Variants in MYO1D observed in about 807,000 individuals in gnomAD.
MYO1D encodes unconventional myosin-Id.
MYO1D carries 83 observed loss-of-function variants against 122.0 expected under a neutral mutation model. That is an observed-to-expected ratio of 0.68 (90% CI 0.57 to 0.82). MYO1D has a LOEUF of 0.82. MYO1D is among the 40% of genes least tolerant of loss of function. The pLI is 0.00. For synonymous variants in MYO1D, 464 were observed against 446.9 expected (o/e 1.04, Z -0.48); for missense variants, 1,157 against 1,269.5 (o/e 0.91, Z 1.35).
intron 12 of MYO1D, among the ~76,000 whole-genome samples, chr17:32,748,634 A>T (rs1598062482): frequency 6.6e-6 from 1 of 152,092 alleles, no homozygotes; most frequent in East Asian, 1.9e-4. Context: ...CCATCTTTCT[A>T]TCCCAGTTCT....
At chr17:32,500,070 C>T (rs942181249) in intron 21 of MYO1D, among the ~76,000 whole-genome samples, 3 of 152,188 alleles carry the variant, frequency 2.0e-5, no homozygotes, top group Non-Finnish European at 4.4e-5. Context: ...AAGGTCCTGG[C>T]GGGGAGGGGA....
intron 1 of MYO1D, among the ~76,000 whole-genome samples, chr17:32,801,085 A>T (rs1162326340): frequency 6.6e-6 from 1 of 152,216 alleles, no homozygotes; most frequent in Non-Finnish European, 1.5e-5. Flanking sequence ...TGCTCATTTA[A>T]GCAGTAAGCA....
intron 16 of MYO1D, among the ~76,000 whole-genome samples, chr17:32,679,021 A>AT: frequency 6.7e-6 from 1 of 149,866 alleles, no homozygotes; most frequent in Non-Finnish European, 1.5e-5. Context: ...GATGATGAGC[A>AT]TTTTTTCATG....
At chr17:32,654,044 G>T in intron 18 of MYO1D, 97 bp from the exon 19 acceptor site, 1 of 898,688 alleles carries the variant, frequency 1.1e-6, no homozygotes, top group Non-Finnish European at 1.7e-6. Flanking sequence ...CACTTATATA[G>T]TTTCACACAT....
In MYO1D at chr17:32,494,840, G is replaced by A. The variant is rs371462045; in HGVS notation, c.2940C>T (p.Ser980=). The change falls in exon 22 of 22, where the codon TCC becomes TCT. Residue 980 remains serine (S), a synonymous_variant. Transcript: ENST00000318217. ...GGGGCTGGTTGAGCCGCGTCTCCACGGAGACGGTGCACTTCTTCCCGTGCA... is the reference window on the plus strand; with the variant it reads ...GGGGCTGGTTGAGCCGCGTCTCCACAGAGACGGTGCACTTCTTCCCGTGCA... The part of the protein sequence containing the change: ...CSLHGKKCTV[S]VETRLNQPQP... 122 of 1,613,838 alleles carry A rather than the reference G, an allele frequency of 7.6e-5. 1 individual carries two copies. Among genetic ancestry groups the A allele is most frequent in the Admixed American group, 3.8e-4 (23 of 59,998 alleles).
intron 15 of MYO1D, among the ~76,000 whole-genome samples, chr17:32,715,686 A>G (rs2089435986): frequency 6.6e-6 from 1 of 152,182 alleles, no homozygotes; most frequent in Non-Finnish European, 1.5e-5. Flanking sequence ...TATAAAATAT[A>G]AACATATATT....
chr17:32,630,327 G>T (rs1183641881), intron 20 of MYO1D, among the ~76,000 whole-genome samples: 1 of 152,100 alleles, frequency 6.6e-6, no homozygotes, highest in Non-Finnish European at 1.5e-5. Flanking sequence ...GCCTCCCAAA[G>T]TGCTGGGATT....
chr17:32,849,677 A>T (rs113856174), intron 1 of MYO1D, among the ~76,000 whole-genome samples: 2 of 147,084 alleles, frequency 1.4e-5, no homozygotes, highest in Admixed American at 6.7e-5. Context: ...GTGGGGGGAG[A>T]GGGGAGGGAT....
intron 14 of MYO1D, among the ~76,000 whole-genome samples, chr17:32,729,178 A>G (rs1021173733): frequency 2.1e-5 from 3 of 141,650 alleles, no homozygotes; most frequent in Middle Eastern, 3.5e-3. Flanking sequence ...ATTTTACGGG[A>G]AAAAAAACAC....
chr17:32,585,765 G>A (rs1284849294), intron 21 of MYO1D, among the ~76,000 whole-genome samples: 2 of 150,608 alleles, frequency 1.3e-5, no homozygotes, highest in Non-Finnish European at 3.0e-5. Context: ...AAAAAGGAAG[G>A]GCAGTCTAAA....
chr17:32,746,346 G>A (rs2089838502), intron 12 of MYO1D, among the ~76,000 whole-genome samples: 1 of 152,114 alleles, frequency 6.6e-6, no homozygotes, highest in Admixed American at 6.5e-5. Context: ...CCAATCAGAT[G>A]GACCTAGTTG....
chr17:32,649,555 T>TTTTC, intron 19 of MYO1D, among the ~76,000 whole-genome samples: 1 of 147,630 alleles, frequency 6.8e-6, no homozygotes, highest in Non-Finnish European at 1.5e-5. Context: ...CTAAACCACA[T>TTTTC]TTTCTTTCTT....
At chr17:32,713,972 A>G (rs149449889) in intron 15 of MYO1D, among the ~76,000 whole-genome samples, 2 of 151,736 alleles carry the variant, frequency 1.3e-5, no homozygotes, top group African/African-American at 4.8e-5. Context: ...CAAGAACAAG[A>G]GATGTTTTCC....
chr17:32,622,783 T>C (rs1344829005), intron 20 of MYO1D, among the ~76,000 whole-genome samples: 1 of 152,214 alleles, frequency 6.6e-6, no homozygotes, highest in Non-Finnish European at 1.5e-5. Context: ...CACCTGACTA[T>C]GTGATAAGAA....
intron 16 of MYO1D, among the ~76,000 whole-genome samples, chr17:32,698,044 G>C (rs572418733): frequency 2.6e-5 from 4 of 152,310 alleles, no homozygotes; most frequent in South Asian, 4.1e-4. Context: ...TGTTTACCGT[G>C]TGTGACCTCT....
At position 32,780,744 on chromosome 17, in the gene MYO1D, C is replaced by T. The variant is rs764719897; in HGVS notation, c.136G>A (p.Val46Ile). The T allele has an allele frequency of 1.2e-5, 20 of 1,613,988 alleles. No individual in the cohort carries two copies. Among genetic ancestry groups the T allele is most frequent in the Non-Finnish European group, 1.5e-5 (18 of 1,180,028 alleles). The change falls in exon 2 of 22, where the codon GTC (valine) becomes ATC (isoleucine). Residue 46 changes from valine to isoleucine, a missense_variant. Physicochemically the swap from Val to Ile is conservative, Grantham distance 29. Transcript: ENST00000318217. ...AACTTGTAAGGGTTCACAGAAACGA[C>T]GACTTCTCCAATGAACGTATAGATG... Reference protein sequence around the residue: ...GRIYTFIGEVVVSVNPYKLLN... With the variant: ...GRIYTFIGEVIVSVNPYKLLN...
intron 21 of MYO1D, among the ~76,000 whole-genome samples, chr17:32,556,257 T>G (rs1051365963): frequency 6.6e-6 from 1 of 152,208 alleles, no homozygotes; most frequent in African/African-American, 2.4e-5. Flanking sequence ...TTACCTATAT[T>G]TTTCTAACTT....
intron 21 of MYO1D, among the ~76,000 whole-genome samples, chr17:32,555,900 C>T (rs796491651): frequency 3.3e-5 from 5 of 152,224 alleles, no homozygotes; most frequent in African/African-American, 7.2e-5. Flanking sequence ...GTTCATCTTC[C>T]GAGCCTGAGC....
chr17:32,771,765 A>T (rs1242873806), intron 5 of MYO1D, among the ~76,000 whole-genome samples: 1 of 152,236 alleles, frequency 6.6e-6, no homozygotes, highest in Non-Finnish European at 1.5e-5. Flanking sequence ...CTTTCACCCA[A>T]GTGGGAAGAA....
Sources: gnomAD v4.1 joint callset for allele counts (sites outside exome capture counted in the v4.1 genomes callset) on GRCh38, gnomAD v4.1.1 for gene constraint, MANE v1.5 for transcripts, NCBI Gene and HGNC (gene_info 2026-07-23, HGNC 2026-07-21) for gene names.